ARSJ: variants seen among roughly 807,000 people sequenced by gnomAD.
ARSJ encodes the protein arylsulfatase J.
ARSJ carries 26 observed loss-of-function variants against 35.9 expected under a neutral mutation model. The observed-to-expected ratio is 0.72, with a 90% CI of 0.53 to 1.00. The LOEUF is 1.00. Ranked by LOEUF, ARSJ falls within the 50% of genes least tolerant of loss-of-function variation. The pLI is 0.00. For missense variants in ARSJ, 667 were observed against 723.6 expected (o/e 0.92, Z 0.90); for synonymous variants, 294 against 267.6 (o/e 1.10, Z -0.96).
Position 113,978,624 on chromosome 4 carries a change from T to C in ARSJ, c.211A>G (p.Thr71Ala). The change falls in exon 1 of 2, where the codon ACT becomes GCT. Residue 71 changes from threonine to alanine, a missense_variant. Coordinates refer to ENST00000315366, the MANE Select transcript of ARSJ (RefSeq NM_024590.4). ...QAGEKLEPST[T>A]STSQPHLIFI... ...ATGAGATGGGGCTGGGAGGTGGAAG[T>C]TGTGCTGGGCTCTAGTTTCTCTCCA... 6.2e-7 allele frequency: 1 copy of C among 1,614,146 alleles called. No individual in the cohort carries two copies.
intron 1 of ARSJ, among the ~76,000 whole-genome samples, chr4:113,924,664 GT>G (rs1199846695): frequency 3.3e-5 from 5 of 152,000 alleles, no homozygotes; most frequent in Non-Finnish European, 7.4e-5. Context: ...ATTACATAAA[GT>G]TTCAACAATA....
chr4:113,942,904 G>A (rs1725246344), intron 1 of ARSJ, among the ~76,000 whole-genome samples: 1 of 151,930 alleles, frequency 6.6e-6, no homozygotes, highest in African/African-American at 2.4e-5. Context: ...TTATGAGACA[G>A]AAATTTACCT....
chr4:113,909,958 T>G (rs2099669949), intron 1 of ARSJ, among the ~76,000 whole-genome samples: 1 of 152,198 alleles, frequency 6.6e-6, no homozygotes. Flanking sequence ...ATTTAACATT[T>G]ATTTGTATAA....
At chr4:113,958,665 C>T (rs1352540299) in intron 1 of ARSJ, among the ~76,000 whole-genome samples, 1 of 151,950 alleles carries the variant, frequency 6.6e-6, no homozygotes, top group Non-Finnish European at 1.5e-5. Flanking sequence ...GAGCTTAAGG[C>T]ATGGAAGGTT....
chr4:113,902,483 C>G lies in ARSJ; in HGVS notation c.1591G>C (p.Val531Leu), dbSNP rs2099667411. 6.2e-7 allele frequency: 1 copy of G among 1,614,158 alleles called. No individual in the cohort carries two copies. The highest frequency in any genetic ancestry group is 8.5e-7 in the Non-Finnish European group (1 of 1,180,034). The change falls in exon 2 of 2, where the codon GTG (valine) becomes CTG (leucine). Residue 531 changes from valine (V) to leucine (L), a missense_variant. Physicochemically the swap from Val to Leu is conservative, Grantham distance 32. Coordinates refer to ENST00000315366, the MANE Select transcript of ARSJ (RefSeq NM_024590.4). Reference sequence around the variant, plus strand: ...TCTTTGGGGGGATACCTGACCGGCACTGCAGTTTTGTTGAACTGTGAGAGC... The same window carrying G: ...TCTTTGGGGGGATACCTGACCGGCAGTGCAGTTTTGTTGAACTGTGAGAGC... ...RRLSQFNKTAVPVRYPPKDPR... is the reference protein window; with the variant it reads ...RRLSQFNKTALPVRYPPKDPR...
At chr4:113,953,443 T>C (rs1372628822) in intron 1 of ARSJ, among the ~76,000 whole-genome samples, 1 of 152,092 alleles carries the variant, frequency 6.6e-6, no homozygotes. Context: ...TTCTTTAAAG[T>C]CAAGGCAAAT....
intron 1 of ARSJ, among the ~76,000 whole-genome samples, chr4:113,941,550 T>C (rs958317318): frequency 6.6e-6 from 1 of 151,996 alleles, no homozygotes; most frequent in African/African-American, 2.4e-5. Flanking sequence ...AAGAACATTA[T>C]CAAAATAATA....
intron 1 of ARSJ, among the ~76,000 whole-genome samples, chr4:113,938,413 T>C (rs1220619607): frequency 6.6e-6 from 1 of 152,070 alleles, no homozygotes; most frequent in Non-Finnish European, 1.5e-5. Context: ...GACTTAAGTG[T>C]AAAACCCCAA....
chr4:113,903,262 G>A lies in ARSJ; in HGVS notation c.812C>T (p.Pro271Leu). Residue 271 changes from proline to leucine, a missense_variant, in exon 2 of 2, where the codon CCA becomes CTA. By Grantham distance (98) the Pro-to-Leu change is moderately conservative. Coordinates refer to ENST00000315366, the MANE Select transcript of ARSJ (RefSeq NM_024590.4). The stretch of plus-strand genomic sequence containing the variant: ...GAAATACCTGCCAGGAGCTTGCAGT[G>A]GTGAATGAACAGCTTGATAGGCAAT... ...LYIAYQAVHS[P>L]LQAPGRYFEH... 6.2e-7 allele frequency: 1 copy of A among 1,614,134 alleles called. No individual in the cohort carries two copies. The highest frequency in any genetic ancestry group is 1.3e-5 in the African/African-American group (1 of 75,032).
At chr4:113,973,715 T>C (rs921635001) in intron 1 of ARSJ, among the ~76,000 whole-genome samples, 2 of 152,188 alleles carry the variant, frequency 1.3e-5, no homozygotes, top group African/African-American at 2.4e-5. Flanking sequence ...TAATTACCTG[T>C]AGGATAATTC....
intron 1 of ARSJ, among the ~76,000 whole-genome samples, chr4:113,974,371 C>T (rs538481258): frequency 8.0e-4 from 122 of 151,828 alleles, no homozygotes; most frequent in Non-Finnish European, 1.6e-3. Context: ...AAAACCAAAA[C>T]ACTGTTGAGG....
intron 1 of ARSJ, among the ~76,000 whole-genome samples, chr4:113,930,890 T>C (rs1333165166): frequency 6.7e-6 from 1 of 150,166 alleles, no homozygotes; most frequent in Non-Finnish European, 1.5e-5. Flanking sequence ...ATGGATGAAA[T>C]TGGAAATCAT....
chr4:113,902,341 TTTTTGCTTTTC>T lies in ARSJ; in HGVS notation c.1722_1732del (p.Ser576GlufsTer32), dbSNP rs1248450058. 3.1e-5 allele frequency: 50 copies of T among 1,613,430 alleles called. No individual in the cohort carries two copies. The highest frequency in any genetic ancestry group is 1.3e-4 in the East Asian group (6 of 44,898). On this transcript the variant is annotated frameshift_variant, in exon 2 of 2. Coordinates refer to ENST00000315366, the MANE Select transcript of ARSJ (RefSeq NM_024590.4). LOFTEE classifies it low-confidence loss of function (END_TRUNC). ...TGCTTTCTGCTGTTTCTTCTTCTTT[TTTTTGCTTTTC>T]TTTTGCTTTTTCTCAGCCTGATTTT...
At chr4:113,941,940 G>C (rs1404974648) in intron 1 of ARSJ, among the ~76,000 whole-genome samples, 1 of 151,960 alleles carries the variant, frequency 6.6e-6, no homozygotes, top group East Asian at 1.9e-4. Flanking sequence ...CCAGAAAGCA[G>C]AGGTTCAGGG....
chr4:113,912,818 A>G (rs1401096978), intron 1 of ARSJ, among the ~76,000 whole-genome samples: 2 of 151,960 alleles, frequency 1.3e-5, no homozygotes, highest in Non-Finnish European at 1.5e-5. Context: ...CAATCTGTTG[A>G]ACATGATTAT....
chr4:113,933,394 AC>A (rs889934625), intron 1 of ARSJ, among the ~76,000 whole-genome samples: 4 of 151,892 alleles, frequency 2.6e-5, no homozygotes, highest in African/African-American at 7.2e-5. Context: ...CAGAGACACA[AC>A]AAAAAAGGAA....
chr4:113,937,154 C>T (rs985925268), intron 1 of ARSJ, among the ~76,000 whole-genome samples: 45 of 152,014 alleles, frequency 3.0e-4, no homozygotes, highest in African/African-American at 1.0e-3. Context: ...TCATTTCCTT[C>T]AATATCTGCT....
chr4:113,966,287 G>T (rs990134340), intron 1 of ARSJ, among the ~76,000 whole-genome samples: 20 of 152,118 alleles, frequency 1.3e-4, no homozygotes, highest in Middle Eastern at 3.4e-3. Context: ...CTTTGTTTTG[G>T]TTTATTTTTA....
At chr4:113,972,231 G>GC (rs2110336656) in intron 1 of ARSJ, among the ~76,000 whole-genome samples, 1 of 134,842 alleles carries the variant, frequency 7.4e-6, no homozygotes, top group South Asian at 2.5e-4. Flanking sequence ...CCCAGCTGAG[G>GC]CAATTCCAGG....
Sources: allele counts gnomAD v4.1 joint callset (sites outside exome capture counted in the v4.1 genomes callset), GRCh38; gene constraint gnomAD v4.1.1; transcripts MANE v1.5; gene names NCBI Gene and HGNC (gene_info 2026-07-23, HGNC 2026-07-21).